Variants in FREM2 observed in about 807,000 individuals in gnomAD.
FREM2 encodes FRAS1 related extracellular matrix 2, also known as FRAS1-related extracellular matrix protein 2.
FREM2 carries 119 observed loss-of-function variants against 219.9 expected under a neutral mutation model. That is an observed-to-expected ratio of 0.54 (90% CI 0.47 to 0.63). The LOEUF (loss-of-function observed/expected upper bound fraction) is 0.63. FREM2 is among the 30% of genes least tolerant of loss of function. FREM2 has a pLI of 0.00. For synonymous variants in FREM2, 1,562 were observed against 1,522.8 expected (o/e 1.03, Z -0.60); for missense variants, 4,030 against 3,993.6 (o/e 1.01, Z -0.25).
At position 38,776,294 on chromosome 13, in the gene FREM2, A is replaced by G. The variant is rs907374197; in HGVS notation, c.5641+6486A>G. On this transcript the variant is annotated intron_variant, in intron 4 of 23. Transcript: ENST00000280481. ...AATTTCTTAAAGGCAAGGAACCATCAGTGCCTTCATCCATGTACTCTATTT... is the reference window on the plus strand; with the variant it reads ...AATTTCTTAAAGGCAAGGAACCATCGGTGCCTTCATCCATGTACTCTATTT... Among the ~76,000 whole-genome samples the G allele has an allele frequency of 3.9e-5, 6 of 152,186 alleles. 1 individual carries two copies. The highest frequency in any genetic ancestry group is 8.8e-5 in the Non-Finnish European group (6 of 68,032).
intron 2 of FREM2, among the ~76,000 whole-genome samples, chr13:38,706,451 A>T (rs778200971): frequency 4.1e-4 from 62 of 152,296 alleles, no homozygotes; most frequent in Non-Finnish European, 8.2e-4. Flanking sequence ...CCTTTGAGAA[A>T]ACTAGTAAAT....
intron 9 of FREM2, 108 bp from the exon 10 acceptor site, chr13:38,850,836 C>A: frequency 8.3e-7 from 1 of 1,210,276 alleles, no homozygotes; most frequent in Non-Finnish European, 1.2e-6. Context: ...CTATTTATTG[C>A]ACTGATACAG....
At position 38,783,972 on chromosome 13, in the gene FREM2, G is replaced by C. The variant is rs192732389; in HGVS notation, c.5768-585G>C. ...TAACTGGGCATGGTGGCGCGCACGC[G>C]CCTGTAATCTCAGCTACTCAGGAGG... On this transcript the variant is annotated intron_variant, in intron 5 of 23. Transcript: ENST00000280481. 9.5e-4 allele frequency among the ~76,000 whole-genome samples: 144 copies of C among 152,348 alleles called. 1 individual carries two copies. Among genetic ancestry groups the C allele is most frequent in the Non-Finnish European group, 6.6e-4 (45 of 68,028 alleles).
At chr13:38,781,454 A>G (rs1874114896) in intron 4 of FREM2, among the ~76,000 whole-genome samples, 1 of 151,994 alleles carries the variant, frequency 6.6e-6, no homozygotes, top group South Asian at 2.1e-4. Flanking sequence ...TCCCTAATAT[A>G]CTACTTATTT....
At chr13:38,754,278 T>A (rs2137797694) in intron 2 of FREM2, among the ~76,000 whole-genome samples, 1 of 152,298 alleles carries the variant, frequency 6.6e-6, no homozygotes, top group Middle Eastern at 3.4e-3. Context: ...CACATAATAC[T>A]TATCATTTGA....
Position 38,687,457 on chromosome 13 carries a change from T to C in FREM2, c.113T>C (p.Leu38Pro), listed in dbSNP as rs1259599415. The part of the protein sequence containing the change: ...PRLLLLLLLL[L>P]SLVSRVPAQP... ...CTGCTGCTGCTGCTGCTGCTTCTCCTGTCACTGGTAAGCCGCGTCCCGGCA... is the reference window on the plus strand; with the variant it reads ...CTGCTGCTGCTGCTGCTGCTTCTCCCGTCACTGGTAAGCCGCGTCCCGGCA... Residue 38 changes from leucine to proline, a missense_variant, in exon 1 of 24, where the codon CTG becomes CCG. This residue lies in a region of FREM2 where 3,102 missense variants were observed against 2,950.7 expected (regional missense o/e 1.05). Coordinates refer to ENST00000280481, the MANE Select transcript of FREM2 (RefSeq NM_207361.6). 6.3e-7 allele frequency: 1 copy of C among 1,593,806 alleles called. No individual in the cohort carries two copies. Among genetic ancestry groups the C allele is most frequent in the East Asian group, 2.3e-5 (1 of 44,028 alleles).
chr13:38,791,179 A>G (rs1874545375), intron 6 of FREM2, among the ~76,000 whole-genome samples: 1 of 152,224 alleles, frequency 6.6e-6, no homozygotes. Context: ...CTTCTTCAAC[A>G]GCACATTTAA....
intron 2 of FREM2, among the ~76,000 whole-genome samples, chr13:38,713,966 C>G (rs1173362570): frequency 6.6e-6 from 1 of 152,164 alleles, no homozygotes; most frequent in Non-Finnish European, 1.5e-5. Context: ...GAGACAGCCT[C>G]CAACATCAAA....
At chr13:38,874,707 A>T in intron 18 of FREM2, 121 bp downstream of exon 18, 1 of 784,132 alleles carries the variant, frequency 1.3e-6, no homozygotes, top group Non-Finnish European at 2.3e-6. Context: ...AATGAATTGT[A>T]CATGTGGGAT....
At chr13:38,725,772 G>C (rs1871494088) in intron 2 of FREM2, among the ~76,000 whole-genome samples, 1 of 152,182 alleles carries the variant, frequency 6.6e-6, no homozygotes, top group African/African-American at 2.4e-5. Flanking sequence ...ATGGAGAGCT[G>C]GATTGGAAAG....
intron 6 of FREM2, among the ~76,000 whole-genome samples, chr13:38,819,792 G>C (rs1378211004): frequency 6.6e-6 from 1 of 152,024 alleles, no homozygotes; most frequent in Non-Finnish European, 1.5e-5. Context: ...TGAGTGGTTG[G>C]ATAACTTGCC....
At chr13:38,717,000 G>A (rs982371362) in intron 2 of FREM2, among the ~76,000 whole-genome samples, 2 of 152,240 alleles carry the variant, frequency 1.3e-5, no homozygotes, top group African/African-American at 4.8e-5. Flanking sequence ...CAAGATCACT[G>A]ACTGGAAGAA....
intron 2 of FREM2, among the ~76,000 whole-genome samples, chr13:38,743,149 G>A (rs1215631279): frequency 6.6e-6 from 1 of 152,032 alleles, no homozygotes; most frequent in Non-Finnish European, 1.5e-5. Context: ...GGGTCTCCTG[G>A]CATCCAAATA....
At chr13:38,831,269 T>G (rs1424244121) in intron 6 of FREM2, among the ~76,000 whole-genome samples, 1 of 152,176 alleles carries the variant, frequency 6.6e-6, no homozygotes, top group Non-Finnish European at 1.5e-5. Flanking sequence ...ATGAAGCCTC[T>G]TCACATGCTA....
At chr13:38,782,972 G>GA (rs1162670882) in intron 4 of FREM2, 98 bp from the exon 5 acceptor site, 30 of 1,425,558 alleles carry the variant, frequency 2.1e-5, no homozygotes, top group Non-Finnish European at 2.7e-5. Context: ...ATTCAAGGGG[G>GA]AAAAATCAAT....
chr13:38,768,224 A>G (rs888195012), intron 3 of FREM2, among the ~76,000 whole-genome samples: 3 of 152,322 alleles, frequency 2.0e-5, no homozygotes, highest in South Asian at 4.1e-4. Context: ...TATTTTCAAG[A>G]TTTAAAAAAT....
intron 14 of FREM2, 136 bp downstream of exon 14, chr13:38,859,726 T>A: frequency 1.1e-6 from 1 of 917,246 alleles, no homozygotes; most frequent in South Asian, 1.5e-5. Flanking sequence ...TTAAAATCTA[T>A]TTTTACAAAA....
In FREM2 at chr13:38,692,264, A is replaced by G. The variant is rs1869917359; in HGVS notation, c.4920A>G (p.Arg1640=). Residue 1640 remains arginine (R), a synonymous_variant, in exon 1 of 24, where the codon AGA becomes AGG. Transcript: ENST00000280481. ...VFPDTVFETR[R]PQVMKIQVLA... ...CTGATACGGTGTTTGAAACAAGGAGACCCCAAGTGATGAAGATCCAGGTCT... is the reference window on the plus strand; with the variant it reads ...CTGATACGGTGTTTGAAACAAGGAGGCCCCAAGTGATGAAGATCCAGGTCT... The G allele has an allele frequency of 6.2e-7, 1 of 1,613,842 alleles. No individual in the cohort carries two copies. Among genetic ancestry groups the G allele is most frequent in the Non-Finnish European group, 8.5e-7 (1 of 1,179,892 alleles).
intron 6 of FREM2, among the ~76,000 whole-genome samples, chr13:38,827,859 A>C (rs4612934): frequency 7.9e-5 from 12 of 151,876 alleles, no homozygotes; most frequent in Non-Finnish European, 5.9e-5. Context: ...GTTTTAGAGA[A>C]CTTAACGAAG....
Sources: allele counts gnomAD v4.1 joint callset (sites outside exome capture counted in the v4.1 genomes callset), GRCh38; gene constraint gnomAD v4.1.1; regional missense constraint gnomAD v4.1.1; transcripts MANE v1.5; gene names NCBI Gene and HGNC (gene_info 2026-07-23, HGNC 2026-07-21).